Variants in ZNF587B observed in about 807,000 individuals in gnomAD.
ZNF587B encodes the protein zinc finger protein 587B.
ZNF587B carries 6 observed loss-of-function variants against 7.2 expected under a neutral mutation model. The observed-to-expected ratio is 0.83, with a 90% CI of 0.46 to 1.65. The LOEUF (loss-of-function observed/expected upper bound fraction) is 1.65, where lower values mean the gene tolerates loss of function less well. Among genes scored for constraint, ZNF587B ranks in the 40% most tolerant of loss-of-function variants. The pLI is 0.01. For missense variants in ZNF587B, 749 were observed against 761.0 expected (o/e 0.98, Z 0.19); for synonymous variants, 274 against 254.3 (o/e 1.08, Z -0.74).
In ZNF587B at chr19:57,841,847, T is replaced by A. The variant is rs767406139; in HGVS notation, c.1173T>A (p.Tyr391Ter). The A allele has an allele frequency of 6.2e-7, 1 of 1,612,718 alleles. No homozygotes were observed. Among genetic ancestry groups the A allele is most frequent in the African/African-American group, 1.3e-5 (1 of 74,940 alleles). Residue 391 changes from tyrosine (Y) to a stop codon, truncating the protein, a stop_gained, in exon 3 of 3, where the codon TAT (tyrosine) becomes TAA (stop). Coordinates refer to ENST00000594901, the MANE Select transcript of ZNF587B (RefSeq NM_001376223.1). LOFTEE classifies it low-confidence loss of function (END_TRUNC). ...AGTGTGGAGAATGTGGGAAATCTTA[T>A]ATTTCAAAGGGGCACCTTAGGATCC... Reference protein sequence around the residue: ...PYKCGECGKSYISKGHLRIHQ... With the variant: ...PYKCGECGKS
At chr19:57,839,197 C>T (rs1348109490) in intron 2 of ZNF587B, 48 bp downstream of exon 2, 2 of 1,605,228 alleles carry the variant, frequency 1.2e-6, no homozygotes, top group Non-Finnish European at 1.7e-6. Flanking sequence ...CTCTGTTTTC[C>T]CCTGTCTTTC....
chr19:57,838,345 G>T (rs1247937932), intron 1 of ZNF587B, among the ~76,000 whole-genome samples: 1 of 152,132 alleles, frequency 6.6e-6, no homozygotes, highest in East Asian at 1.9e-4. Flanking sequence ...GCTCAAGCCT[G>T]TAATCCCAGT....
Position 57,830,415 on chromosome 19 carries a change from C to A in ZNF587B, c.-114C>A. 1 of 1,154,326 alleles carries A rather than the reference C, an allele frequency of 8.7e-7. No homozygotes were observed. The highest frequency in any genetic ancestry group is 1.2e-6 in the Non-Finnish European group (1 of 805,416). The allele number at this position is 1,154,326 out of a possible 1,614,324, so 71.5% of individuals were successfully genotyped here. A position where few individuals can be genotyped will look rare whatever the true frequency, so the allele number is the denominator to read the frequency against. ...CTGCTGCACAGAGGCGACTCTGGAGCTCTGTGACGGCGCCAAGCGTGACCC... is the reference window on the plus strand; with the variant it reads ...CTGCTGCACAGAGGCGACTCTGGAGATCTGTGACGGCGCCAAGCGTGACCC... On this transcript the variant is annotated 5_prime_UTR_variant, in exon 1 of 3. Coordinates refer to ENST00000594901, the MANE Select transcript of ZNF587B (RefSeq NM_001376223.1).
At chr19:57,832,606 A>G (rs1988459792) in intron 1 of ZNF587B, among the ~76,000 whole-genome samples, 1 of 152,192 alleles carries the variant, frequency 6.6e-6, no homozygotes, top group Non-Finnish European at 1.5e-5. Flanking sequence ...TGATGCTTGT[A>G]GATATTCGTC....
rs771371494 is a variant in ZNF587B, at chr19:57,843,600, GTTTTTTTTTTT to G, written c.*1034_*1044del. On this transcript the variant is annotated 3_prime_UTR_variant, in exon 3 of 3. Transcript: ENST00000594901. The stretch of plus-strand genomic sequence containing the variant: ...GTTGGTTGGTTGGTTGTTTTTTTTT[GTTTTTTTTTTT>G]TTTTTTTTTGGAGACAAAGTTTCAC... 1.1e-5 allele frequency: 7 copies of G among 648,840 alleles called. 1 individual carries two copies. The highest frequency in any genetic ancestry group is 2.6e-4 in the Admixed American group (2 of 7,776). 40.2% of individuals were successfully genotyped at this position (648,840 alleles called of 1,614,324 possible).
At chr19:57,834,895 C>T (rs1209029052) in intron 1 of ZNF587B, among the ~76,000 whole-genome samples, 1 of 121,680 alleles carries the variant, frequency 8.2e-6, no homozygotes, top group African/African-American at 3.2e-5. Context: ...ATGATGGGTG[C>T]AGCTTTCTAT....
At position 57,841,497 on chromosome 19, in the gene ZNF587B, T is replaced by C. The variant is rs558705507; in HGVS notation, c.823T>C (p.Cys275Arg). ...SGKRPYECGE[C>R]EKSFSQKSSL... ...AAAAAGACCTTATGAATGTGGAGAA[T>C]GTGAGAAATCTTTTAGTCAAAAGAG... Residue 275 changes from cysteine to arginine, a missense_variant, in exon 3 of 3, where the codon TGT becomes CGT. Coordinates refer to ENST00000594901, the MANE Select transcript of ZNF587B (RefSeq NM_001376223.1). 1.6e-5 allele frequency: 26 copies of C among 1,586,288 alleles called. No homozygotes were observed. In the African/African-American group the frequency reaches 3.4e-4, roughly 21 times the overall value.
intron 1 of ZNF587B, among the ~76,000 whole-genome samples, chr19:57,836,142 A>C (rs1365726500): frequency 1.3e-5 from 2 of 151,812 alleles, no homozygotes; most frequent in Admixed American, 1.3e-4. Flanking sequence ...TGCAGGCAGA[A>C]GTACAGAAGT....
At chr19:57,839,190 T>C (rs1321355075) in intron 2 of ZNF587B, 41 bp downstream of exon 2, 1 of 1,608,794 alleles carries the variant, frequency 6.2e-7, no homozygotes, top group East Asian at 2.2e-5. Context: ...AGCTAGTCTC[T>C]GTTTTCCCCT....
rs2122195146 is a variant in ZNF587B, at chr19:57,830,684, A to G, written c.36+120A>G. ...AGGCAGCAGATGCTGAGTTTTTATT[A>G]GGAGTGACTGTCAGGACAGCCCTTT... On this transcript the variant is annotated intron_variant, in intron 1 of 2. Coordinates refer to ENST00000594901, the MANE Select transcript of ZNF587B (RefSeq NM_001376223.1). The G allele has an allele frequency of 3.4e-6, 4 of 1,168,156 alleles. No individual in the cohort carries two copies. In the East Asian group the frequency reaches 7.7e-5, roughly 23 times the overall value. The allele number at this position is 1,168,156 out of a possible 1,614,324, so 72.4% of individuals were successfully genotyped here.
Position 57,841,205 on chromosome 19 carries a change from G to A in ZNF587B, c.531G>A (p.Lys177=), listed in dbSNP as rs2375154. ...CATCTGTCTTCAGTGAGAGTGGGAA[G>A]GACTTTTTGCCCAGGTCAGGATTAC... ...GESSVFSESG[K]DFLPRSGLLQ... Residue 177 remains lysine (K), a synonymous_variant, in exon 3 of 3, where the codon AAG becomes AAA. Transcript: ENST00000594901. 3.3e-5 allele frequency: 53 copies of A among 1,614,162 alleles called. No individual in the cohort carries two copies. Among genetic ancestry groups the A allele is most frequent in the African/African-American group, 2.0e-4 (15 of 75,018 alleles).
rs1244028357 is a variant in ZNF587B at position 57,846,094 on chromosome 19, C to G, written c.*3518C>G. On this transcript the variant is annotated 3_prime_UTR_variant, in exon 3 of 3. Transcript: ENST00000594901. ...AGTCACCATAATGAATTTATCTAAT[C>G]TATCACCTTTGTATTTACTTGGAGC... 3 of 152,204 alleles carry G rather than the reference C, an allele frequency of 2.0e-5. No homozygotes were observed. Among genetic ancestry groups the G allele is most frequent in the African/African-American group, 7.2e-5 (3 of 41,448 alleles). The allele number at this position is 152,204 out of a possible 1,614,324, so 9.4% of individuals were successfully genotyped here.
chr19:57,838,191 C>G (rs564103979), intron 1 of ZNF587B, among the ~76,000 whole-genome samples: 1 of 151,762 alleles, frequency 6.6e-6, no homozygotes, highest in African/African-American at 2.4e-5. Context: ...CCTGTAATCC[C>G]AGCTGTTCAG....
Position 57,842,544 on chromosome 19 carries a change from C to T in ZNF587B, c.1870C>T (p.His624Tyr). 6.5e-7 allele frequency: 1 copy of T among 1,536,186 alleles called. No homozygotes were observed. The change falls in exon 3 of 3, where the codon CAT (histidine) becomes TAT (tyrosine). Residue 624 changes from histidine to tyrosine, a missense_variant. By Grantham distance (83) the His-to-Tyr change is moderately conservative. Transcript: ENST00000594901. ...KFRKSSSLRYHQRVHERKAL is the reference protein window; with the variant it reads ...KFRKSSSLRYYQRVHERKAL ...TAGGAAAAGCTCTTCACTTCGTTAC[C>T]ATCAGAGAGTTCATGAAAGAAAGGC...
Position 57,843,416 on chromosome 19 carries a change from C to G in ZNF587B, c.*840C>G, listed in dbSNP as rs1300053468. The G allele has an allele frequency of 2.0e-6, 2 of 985,260 alleles. No individual in the cohort carries two copies. Among genetic ancestry groups the G allele is most frequent in the Non-Finnish European group, 1.2e-6 (1 of 829,934 alleles). 61.0% of individuals were successfully genotyped at this position (985,260 alleles called of 1,614,324 possible). Reference sequence around the variant, plus strand: ...TACTATGCCCTGTTATCTTGCTAGACTTATGTGACTGCCACTTATCTGGCA... The same window carrying G: ...TACTATGCCCTGTTATCTTGCTAGAGTTATGTGACTGCCACTTATCTGGCA... On this transcript the variant is annotated 3_prime_UTR_variant, in exon 3 of 3. Transcript: ENST00000594901.
intron 1 of ZNF587B, among the ~76,000 whole-genome samples, 189 bp downstream of exon 1, chr19:57,830,753 C>T (rs547568962): frequency 1.6e-4 from 25 of 151,594 alleles, no homozygotes; most frequent in African/African-American, 3.6e-4. Context: ...TGTACCTGAG[C>T]GAGTTAGAGA....
Position 57,841,818 on chromosome 19 carries a change from T to G in ZNF587B, c.1144T>G (p.Tyr382Asp), listed in dbSNP as rs1212271641. ...GCGCATTCACACTGAAGTAAGACCTTACAAGTGTGGAGAATGTGGGAAATC... is the reference window on the plus strand; with the variant it reads ...GCGCATTCACACTGAAGTAAGACCTGACAAGTGTGGAGAATGTGGGAAATC... ...HQRIHTEVRP[Y>D]KCGECGKSYI... The change falls in exon 3 of 3, where the codon TAC (tyrosine) becomes GAC (aspartate). Residue 382 changes from tyrosine (Y) to aspartate (D), a missense_variant. Physicochemically the swap from Tyr to Asp is radical, Grantham distance 160. Coordinates refer to ENST00000594901, the MANE Select transcript of ZNF587B (RefSeq NM_001376223.1). 1 of 1,612,152 alleles carries G rather than the reference T, an allele frequency of 6.2e-7. No homozygotes were observed.
rs1414430963 is a variant in ZNF587B at position 57,835,746 on chromosome 19, T to C, written c.37-3277T>C. Among the ~76,000 whole-genome samples the C allele has an allele frequency of 5.7e-5, 8 of 139,168 alleles. No individual in the cohort carries two copies. The East Asian group carries it at 1.6e-3, about 29-fold the overall frequency. The allele number at this position is 139,168 out of a possible 152,430, so 91.3% of individuals were successfully genotyped here. The stretch of plus-strand genomic sequence containing the variant: ...CAAGTTGGGAGTAGGCATAATACAG[T>C]CACTGGGAATATAAGGAGGGTTGTT... On this transcript the variant is annotated intron_variant, in intron 1 of 2. Transcript: ENST00000594901.
At chr19:57,834,910 C>T (rs1988545948) in intron 1 of ZNF587B, among the ~76,000 whole-genome samples, 1 of 114,802 alleles carries the variant, frequency 8.7e-6, no homozygotes, top group South Asian at 2.6e-4. Context: ...TTCTATTCCA[C>T]CATCCTGCTC....
Sources: allele counts gnomAD v4.1 joint callset (sites outside exome capture counted in the v4.1 genomes callset), GRCh38; gene constraint gnomAD v4.1.1; transcripts MANE v1.5; gene names NCBI Gene and HGNC (gene_info 2026-07-23, HGNC 2026-07-21).